Variants in CDH12 observed in about 807,000 individuals in gnomAD.
The protein encoded by CDH12 is cadherin 12.
In CDH12, 41 loss-of-function variants were observed where a neutral mutation model predicts 74.1. The ratio of observed to expected loss-of-function variants is 0.55; its 90% CI spans 0.43 to 0.72. The LOEUF is 0.72. Ranked by LOEUF, CDH12 falls within the 30% of genes least tolerant of loss-of-function variation. The pLI, the probability that CDH12 is intolerant of heterozygous loss-of-function variation, is 0.00. For missense variants in CDH12, 945 were observed against 977.2 expected, an observed-to-expected ratio of 0.97 and a Z score of 0.44; for synonymous variants, 399 against 355.0, an observed-to-expected ratio of 1.12 and a Z score of -1.39.
chr5:21,867,306 G>T (rs1320552782), intron 6 of CDH12, among the ~76,000 whole-genome samples: 1 of 152,158 alleles, frequency 6.6e-6, no homozygotes, highest in Non-Finnish European at 1.5e-5. Flanking sequence ...AGTGAGCTGA[G>T]GTCACGCCAT....
chr5:22,611,289 C>A (rs757089809), intron 1 of CDH12, among the ~76,000 whole-genome samples: 48 of 152,144 alleles, frequency 3.2e-4, no homozygotes, highest in Non-Finnish European at 4.4e-4. Context: ...AATTGAAAAA[C>A]CATTTATTTT....
chr5:22,201,063 T>A (rs1750900185), intron 4 of CDH12, among the ~76,000 whole-genome samples: 1 of 152,124 alleles, frequency 6.6e-6, no homozygotes, highest in Admixed American at 6.5e-5. Context: ...AGACAAAAAG[T>A]CAACTTACTG....
At chr5:22,140,419 A>G (rs1236283000) in intron 4 of CDH12, among the ~76,000 whole-genome samples, 1 of 151,292 alleles carries the variant, frequency 6.6e-6, no homozygotes, top group African/African-American at 2.4e-5. Flanking sequence ...AGAGAAATGT[A>G]TACATTTAAA....
At chr5:22,441,510 A>T (rs1744620517) in intron 2 of CDH12, among the ~76,000 whole-genome samples, 1 of 152,082 alleles carries the variant, frequency 6.6e-6, no homozygotes, top group African/African-American at 2.4e-5. Context: ...TTTAAGTTTT[A>T]ATTAAGGCCA....
intron 1 of CDH12, among the ~76,000 whole-genome samples, chr5:22,681,228 G>GGGGT (rs1428206303): frequency 3.1e-4 from 33 of 105,816 alleles, no homozygotes; most frequent in African/African-American, 9.6e-4. Context: ...GGTATTGGGG[G>GGGGT]GTGTGTGTGT....
chr5:22,220,529 G>A (rs1007613719), intron 3 of CDH12, among the ~76,000 whole-genome samples: 5 of 150,838 alleles, frequency 3.3e-5, no homozygotes, highest in African/African-American at 1.2e-4. Flanking sequence ...TTTTTTTCTT[G>A]ATTGGCATTG....
At chr5:22,032,683 G>A (rs1013286334) in intron 5 of CDH12, among the ~76,000 whole-genome samples, 3 of 149,274 alleles carry the variant, frequency 2.0e-5, no homozygotes, top group African/African-American at 7.5e-5. Flanking sequence ...ACTCCAGCCT[G>A]GGCGATAGAG....
At chr5:21,995,795 C>G (rs1736252787) in intron 5 of CDH12, among the ~76,000 whole-genome samples, 1 of 151,648 alleles carries the variant, frequency 6.6e-6, no homozygotes, top group Admixed American at 6.6e-5. Flanking sequence ...TGTTTCATTC[C>G]AAGTTTTGAT....
intron 3 of CDH12, among the ~76,000 whole-genome samples, chr5:22,265,518 G>A (rs1161462659): frequency 1.3e-5 from 2 of 152,070 alleles, no homozygotes; most frequent in Non-Finnish European, 2.9e-5. Flanking sequence ...TCTTACTTTG[G>A]AAGAGAATTG....
intron 1 of CDH12, among the ~76,000 whole-genome samples, chr5:22,773,196 G>A (rs1424062601): frequency 6.6e-6 from 1 of 151,892 alleles, no homozygotes; most frequent in Non-Finnish European, 1.5e-5. Context: ...GAATTACCAA[G>A]GCAATCCTAA....
At chr5:22,280,327 G>A (rs1419598345) in intron 3 of CDH12, among the ~76,000 whole-genome samples, 2 of 152,180 alleles carry the variant, frequency 1.3e-5, no homozygotes, top group South Asian at 2.1e-4. Context: ...AGAAGCAAGA[G>A]CAAACACATT....
intron 1 of CDH12, among the ~76,000 whole-genome samples, chr5:22,778,724 T>C (rs1580991537): frequency 6.6e-6 from 1 of 152,152 alleles, no homozygotes; most frequent in Non-Finnish European, 1.5e-5. Flanking sequence ...AATCATTCTC[T>C]AGACAGCTTT....
chr5:22,447,892 A>C (rs1213368340), intron 2 of CDH12, among the ~76,000 whole-genome samples: 1 of 150,558 alleles, frequency 6.6e-6, no homozygotes, highest in African/African-American at 2.4e-5. Context: ...CTGTAATACC[A>C]GCACTTTGGG....
chr5:22,489,645 G>A (rs1391975172), intron 2 of CDH12, among the ~76,000 whole-genome samples: 3 of 150,212 alleles, frequency 2.0e-5, no homozygotes, highest in African/African-American at 7.3e-5. Flanking sequence ...TAAATGTAAA[G>A]ACTGAAGATT....
chr5:22,799,276 A>G (rs1180006463), intron 1 of CDH12, among the ~76,000 whole-genome samples: 1 of 152,200 alleles, frequency 6.6e-6, no homozygotes, highest in African/African-American at 2.4e-5. Flanking sequence ...TTTAGGATAT[A>G]TTTATAATAT....
At chr5:22,290,379 G>A (rs1737331937) in intron 3 of CDH12, among the ~76,000 whole-genome samples, 1 of 152,080 alleles carries the variant, frequency 6.6e-6, no homozygotes, top group South Asian at 2.1e-4. Context: ...AAAAATACAG[G>A]AGAGCCATTC....
intron 1 of CDH12, among the ~76,000 whole-genome samples, chr5:22,571,158 A>G (rs760599615): frequency 5.3e-5 from 8 of 152,166 alleles, no homozygotes; most frequent in Admixed American, 1.3e-4. Context: ...TCTCCATATC[A>G]ACAATAAGGC....
At chr5:22,672,114 A>AATAT (rs35149309) in intron 1 of CDH12, among the ~76,000 whole-genome samples, 3 of 138,306 alleles carry the variant, frequency 2.2e-5, no homozygotes, top group East Asian at 4.0e-4. Flanking sequence ...ATTATATATA[A>AATAT]ATATATATTA....
chr5:22,183,332 T>C (rs1561197470), intron 4 of CDH12, among the ~76,000 whole-genome samples: 1 of 152,148 alleles, frequency 6.6e-6, no homozygotes, highest in Non-Finnish European at 1.5e-5. Context: ...AAGTCTGTTG[T>C]TATTGGAGCT....
Sources: gnomAD v4.1 joint callset for allele counts (sites outside exome capture counted in the v4.1 genomes callset) on GRCh38, gnomAD v4.1.1 for gene constraint, MANE v1.5 for transcripts, NCBI Gene and HGNC (gene_info 2026-07-23, HGNC 2026-07-21) for gene names.